The following CADM2 variants were observed in gnomAD, a reference collection of about 807,000 sequenced individuals.
The protein encoded by CADM2 is immunoglobulin superfamily member 4D.
Under a neutral mutation model 49.8 loss-of-function variants are expected in CADM2, and 12 were observed. The observed-to-expected ratio is 0.24, with a 90% confidence interval of 0.15 to 0.39. The LOEUF (loss-of-function observed/expected upper bound fraction) is 0.39. Among genes scored for constraint, CADM2 ranks in the 10% least tolerant of loss-of-function variants. CADM2 has a pLI of 1.00. For missense variants in CADM2, 378 were observed against 492.3 expected (o/e 0.77, Z 2.20); for synonymous variants, 214 against 175.4 (o/e 1.22, Z -1.74).
At chr3:85,678,590 A>C (rs2065949388) in intron 1 of CADM2, among the ~76,000 whole-genome samples, 1 of 152,190 alleles carries the variant, frequency 6.6e-6, no homozygotes, top group African/African-American at 2.4e-5. Flanking sequence ...CATGGCCAAT[A>C]GTTCATTTCT....
chr3:85,511,872 A>T lies in CADM2; in HGVS notation c.62-214650A>T, dbSNP rs1290806340. 3.1e-6 allele frequency: 3 copies of T among 983,150 alleles called. No individual in the cohort carries two copies. In the African/African-American group the frequency reaches 5.2e-5, roughly 17 times the overall value. The allele number at this position is 983,150 out of a possible 1,614,324, so 60.9% of individuals were successfully genotyped here. ...TCTGTTTTAGGTAAGCACATTAATC[A>T]TTCCAGTGTAATCAGACTGCATCAA... is the stretch of plus-strand genomic sequence containing the variant. On this transcript the variant is annotated intron_variant, in intron 1 of 9. Coordinates refer to ENST00000383699, the MANE Select transcript of CADM2 (RefSeq NM_001167675.2).
At chr3:85,006,762 T>G (rs531659393) in intron 1 of CADM2, among the ~76,000 whole-genome samples, 1 of 152,268 alleles carries the variant, frequency 6.6e-6, no homozygotes, top group East Asian at 1.9e-4. Flanking sequence ...ATTAATAATT[T>G]TAAGAGCCCG....
At chr3:85,657,377 C>G (rs1381875375) in intron 1 of CADM2, among the ~76,000 whole-genome samples, 1 of 151,966 alleles carries the variant, frequency 6.6e-6, no homozygotes, top group Admixed American at 6.6e-5. Context: ...ATGGCATATT[C>G]TTATTAAAGG....
At chr3:85,606,301 C>T (rs2063536657) in intron 1 of CADM2, among the ~76,000 whole-genome samples, 1 of 152,030 alleles carries the variant, frequency 6.6e-6, no homozygotes, top group Non-Finnish European at 1.5e-5. Flanking sequence ...GCACTACTTA[C>T]TACCCCACAC....
intron 8 of CADM2, among the ~76,000 whole-genome samples, chr3:86,033,449 A>T (rs943268784): frequency 6.6e-6 from 1 of 151,758 alleles, no homozygotes; most frequent in African/African-American, 2.4e-5. Context: ...ATCCAGGAAG[A>T]CATTTCTTCC....
intron 1 of CADM2, among the ~76,000 whole-genome samples, chr3:85,297,576 C>A (rs902185521): frequency 3.3e-5 from 5 of 151,992 alleles, no homozygotes; most frequent in Non-Finnish European, 7.4e-5. Context: ...TTAAGGCAGA[C>A]TCCTAATAAC....
chr3:84,997,999 T>C (rs777197236), intron 1 of CADM2, among the ~76,000 whole-genome samples: 2 of 152,172 alleles, frequency 1.3e-5, no homozygotes, highest in Non-Finnish European at 2.9e-5. Flanking sequence ...GCCATTTTAC[T>C]GGATTGTGTT....
At chr3:85,508,430 C>A (rs2040454572) in intron 1 of CADM2, among the ~76,000 whole-genome samples, 1 of 152,058 alleles carries the variant, frequency 6.6e-6, no homozygotes. Flanking sequence ...TGGTTGCTAA[C>A]CCTTGTGCAG....
chr3:85,714,673 G>A lies in CADM2; in HGVS notation c.62-11849G>A, dbSNP rs181370375. ...TCTCGATCTCCTGACCTCGTGATCC[G>A]CCCGCCTCAGCCTCCCAAAGTGCTG... On this transcript the variant is annotated intron_variant, in intron 1 of 9. Coordinates refer to ENST00000383699, the MANE Select transcript of CADM2 (RefSeq NM_001167675.2). 6.6e-3 allele frequency among the ~76,000 whole-genome samples: 1,004 copies of A among 151,878 alleles called. 49 individuals are homozygous for A. The South Asian group carries it at 0.11, about 16-fold the overall frequency.
intron 1 of CADM2, among the ~76,000 whole-genome samples, chr3:85,726,182 T>C (rs1404062329): frequency 5.3e-5 from 8 of 151,966 alleles, no homozygotes; most frequent in Non-Finnish European, 1.2e-4. Context: ...GTATTAAGTA[T>C]ATTTAAACTA....
chr3:85,873,682 T>A (rs535154280), intron 3 of CADM2, among the ~76,000 whole-genome samples: 15 of 152,038 alleles, frequency 9.9e-5, no homozygotes, highest in East Asian at 5.8e-4. Context: ...AAAATAAAAT[T>A]AAATTAAATT....
At chr3:85,733,023 G>A (rs1000152045) in intron 2 of CADM2, among the ~76,000 whole-genome samples, 1 of 152,180 alleles carries the variant, frequency 6.6e-6, no homozygotes, top group Non-Finnish European at 1.5e-5. Context: ...ATAGCCTGAT[G>A]AGTAGCTAGC....
intron 1 of CADM2, among the ~76,000 whole-genome samples, chr3:85,701,094 G>T (rs929611871): frequency 1.3e-5 from 2 of 152,086 alleles, no homozygotes; most frequent in Non-Finnish European, 1.5e-5. Flanking sequence ...GGAGGCCTCG[G>T]GAAACTTAGA....
In CADM2 at chr3:85,866,219, T is replaced by A. The variant is rs187034405; in HGVS notation, c.239-17072T>A. On this transcript the variant is annotated intron_variant, in intron 3 of 9. Coordinates refer to ENST00000383699, the MANE Select transcript of CADM2 (RefSeq NM_001167675.2). Reference sequence around the variant, plus strand: ...CTACCAGTAATTACTAACATTTTACTAAGAAAGGTAAAATAAGTGTAGGTG... The same window carrying A: ...CTACCAGTAATTACTAACATTTTACAAAGAAAGGTAAAATAAGTGTAGGTG... 2.3e-3 allele frequency among the ~76,000 whole-genome samples: 356 copies of A among 152,324 alleles called. 1 individual carries two copies. The highest frequency in any genetic ancestry group is 8.3e-3 in the African/African-American group (347 of 41,578).
At chr3:85,167,761 G>T (rs2040509338) in intron 1 of CADM2, among the ~76,000 whole-genome samples, 1 of 152,112 alleles carries the variant, frequency 6.6e-6, no homozygotes, top group Non-Finnish European at 1.5e-5. Flanking sequence ...CATATAAGTA[G>T]CATATGCTAA....
intron 1 of CADM2, among the ~76,000 whole-genome samples, chr3:85,112,393 G>C (rs78050544): frequency 0.049 from 7,388 of 150,634 alleles, 255 homozygotes; most frequent in East Asian, 0.14. Context: ...ACTATAAAGT[G>C]AAGTTAAAGT....
chr3:85,568,387 T>C (rs143756253), intron 1 of CADM2, among the ~76,000 whole-genome samples: 80 of 141,250 alleles, frequency 5.7e-4, no homozygotes, highest in African/African-American at 1.6e-3. Context: ...CTACAATCTT[T>C]CCTTCCTCCC....
At chr3:85,601,191 T>C (rs112523595) in intron 1 of CADM2, among the ~76,000 whole-genome samples, 65,571 of 129,366 alleles carry the variant, frequency 0.51, 19,642 homozygotes, top group East Asian at 0.85. Context: ...CACACACACA[T>C]ACATGTCATT....
At chr3:85,682,201 G>A (rs899723441) in intron 1 of CADM2, among the ~76,000 whole-genome samples, 1 of 152,080 alleles carries the variant, frequency 6.6e-6, no homozygotes, top group Non-Finnish European at 1.5e-5. Context: ...GCACTACAAA[G>A]CCCAGAATAA....
Sources: gnomAD v4.1 joint callset for allele counts (sites outside exome capture counted in the v4.1 genomes callset) on GRCh38, gnomAD v4.1.1 for gene constraint, MANE v1.5 for transcripts, NCBI Gene and HGNC (gene_info 2026-07-23, HGNC 2026-07-21) for gene names.